SHROOM3: variants seen among roughly 807,000 people sequenced by gnomAD.
SHROOM3 encodes shroom family member 3.
Under a neutral mutation model 138.6 loss-of-function variants are expected in SHROOM3, and 47 were observed. The observed-to-expected ratio is 0.34, with a 90% CI of 0.27 to 0.43. SHROOM3 has a LOEUF of 0.43. Among genes scored for constraint, SHROOM3 ranks in the 20% least tolerant of loss-of-function variants. The pLI is 1.00. For synonymous variants in SHROOM3, 1,062 were observed against 1,063.3 expected (o/e 1.00, Z 0.02); for missense variants, 2,491 against 2,596.5 (o/e 0.96, Z 0.88).
At chr4:76,748,800 A>G (rs1192841370) in intron 5 of SHROOM3, among the ~76,000 whole-genome samples, 1 of 149,072 alleles carries the variant, frequency 6.7e-6, no homozygotes, top group Non-Finnish European at 1.5e-5. Context: ...ACTGAAGTTC[A>G]AATTCTGACT....
At chr4:76,586,369 G>C in intron 2 of SHROOM3, 1 of 985,732 alleles carries the variant, frequency 1.0e-6, no homozygotes, top group Non-Finnish European at 1.2e-6. Context: ...AAGCCACCAA[G>C]CCCCCGCGGT....
In SHROOM3 at chr4:76,554,205, G is replaced by A. The variant is rs571864748; in HGVS notation, c.169-1404G>A. On this transcript the variant is annotated intron_variant, in intron 1 of 10. Transcript: ENST00000296043. Reference sequence around the variant, plus strand: ...CAATGTCATACACTTGAAATTGTGTGGTATGTAGCCTTTTCAGACTGGCTT... The same window carrying A: ...CAATGTCATACACTTGAAATTGTGTAGTATGTAGCCTTTTCAGACTGGCTT... Among the ~76,000 whole-genome samples the A allele has an allele frequency of 1.7e-3, 253 of 152,176 alleles. 2 individuals carry two copies. The highest frequency in any genetic ancestry group is 9.3e-4 in the Non-Finnish European group (63 of 68,006).
chr4:76,699,556 A>G (rs553114684), intron 2 of SHROOM3, among the ~76,000 whole-genome samples: 44 of 152,288 alleles, frequency 2.9e-4, no homozygotes, highest in African/African-American at 8.2e-4. Flanking sequence ...GTTTCCTGCT[A>G]TAATAGGGTA....
intron 1 of SHROOM3, among the ~76,000 whole-genome samples, chr4:76,495,625 C>G (rs1189533425): frequency 1.3e-5 from 2 of 152,222 alleles, no homozygotes; most frequent in Non-Finnish European, 2.9e-5. Flanking sequence ...TAGGAAACCC[C>G]TGATAGCAGA....
intron 2 of SHROOM3, among the ~76,000 whole-genome samples, chr4:76,647,460 G>A (rs1318554219): frequency 6.6e-6 from 1 of 152,144 alleles, no homozygotes; most frequent in East Asian, 1.9e-4. Context: ...CCAGGTGATA[G>A]ATACCGTAAA....
At chr4:76,746,824 A>ATTATT (rs1721453075) in intron 5 of SHROOM3, among the ~76,000 whole-genome samples, 4 of 126,708 alleles carry the variant, frequency 3.2e-5, no homozygotes, top group African/African-American at 1.1e-4. Context: ...TATTATTATT[A>ATTATT]TTATTATTTT....
chr4:76,749,074 G>T lies in SHROOM3; in HGVS notation c.3811G>T (p.Ala1271Ser). The T allele has an allele frequency of 1.2e-6, 2 of 1,613,952 alleles. No homozygotes were observed. The highest frequency in any genetic ancestry group is 1.7e-6 in the Non-Finnish European group (2 of 1,179,924). ...TCTTGTGAAGGATCCATGTTATTTG[G>T]CTGGTCCTGGATCTAGGTATGTACA... ...FGLVKDPCYL[A>S]GPGSRSLSCS... Residue 1271 changes from alanine to serine, a missense_variant, in exon 6 of 11, where the codon GCT (alanine) becomes TCT (serine). Around this residue, in one of 4 missense-constraint regions of SHROOM3, gnomAD observed 1,733 missense variants for 1,661.6 expected, o/e 1.04. Transcript: ENST00000296043.
rs1011549021 is a variant in SHROOM3, at chr4:76,755,323, CTG to C, written c.4709+133_4709+134del. The C allele has an allele frequency of 8.1e-6, 9 of 1,109,210 alleles. No individual in the cohort carries two copies. The African/African-American group carries it at 1.1e-4, about 13-fold the overall frequency. The allele number at this position is 1,109,210 out of a possible 1,614,324, so 68.7% of individuals were successfully genotyped here. On this transcript the variant is annotated intron_variant, in intron 7 of 10. Transcript: ENST00000296043. ...TTTCTATACAGCTCAGCTCAGGACACTGTTGATCTGTTTGCCTCAGGAGGTAG... is the reference window on the plus strand; with the variant it reads ...TTTCTATACAGCTCAGCTCAGGACACTTGATCTGTTTGCCTCAGGAGGTAG...
intron 2 of SHROOM3, among the ~76,000 whole-genome samples, chr4:76,604,120 C>T (rs555469875): frequency 9.9e-5 from 15 of 152,194 alleles, no homozygotes; most frequent in East Asian, 3.9e-4. Flanking sequence ...CCACTGTGCC[C>T]GACTGCATCT....
chr4:76,613,528 C>T (rs1005001536), intron 2 of SHROOM3, among the ~76,000 whole-genome samples: 2 of 152,166 alleles, frequency 1.3e-5, no homozygotes, highest in African/African-American at 4.8e-5. Context: ...ACCTCCTTTG[C>T]TTTGATAAAA....
chr4:76,497,403 A>T (rs1020802924), intron 1 of SHROOM3, among the ~76,000 whole-genome samples: 4 of 152,234 alleles, frequency 2.6e-5, no homozygotes, highest in Non-Finnish European at 5.9e-5. Flanking sequence ...AACAAGAAAA[A>T]AGTAATAATA....
intron 5 of SHROOM3, among the ~76,000 whole-genome samples, chr4:76,747,658 G>T (rs769256954): frequency 2.6e-5 from 4 of 152,058 alleles, no homozygotes; most frequent in Non-Finnish European, 5.9e-5. Flanking sequence ...TTAATTATTG[G>T]CAAAGTAGCA....
intron 1 of SHROOM3, among the ~76,000 whole-genome samples, chr4:76,518,300 T>C (rs1732486403): frequency 6.6e-6 from 1 of 152,184 alleles, no homozygotes; most frequent in South Asian, 2.1e-4. Flanking sequence ...TATTCATTCG[T>C]AGTGTCCTCC....
intron 1 of SHROOM3, among the ~76,000 whole-genome samples, chr4:76,472,425 G>T (rs548576508): frequency 6.6e-6 from 1 of 152,234 alleles, no homozygotes; most frequent in East Asian, 1.9e-4. Context: ...CCACAGTCTT[G>T]TCATGGAGAG....
At chr4:76,469,656 C>T (rs372196744) in intron 1 of SHROOM3, among the ~76,000 whole-genome samples, 25 of 152,256 alleles carry the variant, frequency 1.6e-4, no homozygotes, top group South Asian at 8.3e-4. Flanking sequence ...CGGGTTTCAC[C>T]GGGTTGCCCA....
At chr4:76,595,649 C>T (rs944416923) in intron 2 of SHROOM3, among the ~76,000 whole-genome samples, 1 of 152,182 alleles carries the variant, frequency 6.6e-6, no homozygotes, top group Non-Finnish European at 1.5e-5. Context: ...TCCTTGCCTA[C>T]ACTAGTAACT....
chr4:76,750,933 T>G (rs1347228092), intron 6 of SHROOM3, among the ~76,000 whole-genome samples: 1 of 152,104 alleles, frequency 6.6e-6, no homozygotes, highest in African/African-American at 2.4e-5. Context: ...TTAGCATAGG[T>G]GCAGCTGCAT....
At chr4:76,729,674 C>T (rs931216757) in intron 3 of SHROOM3, among the ~76,000 whole-genome samples, 1 of 152,188 alleles carries the variant, frequency 6.6e-6, no homozygotes, top group African/African-American at 2.4e-5. Flanking sequence ...AAGTAACTCA[C>T]ATAAGGTCAG....
At chr4:76,512,850 C>A (rs957962051) in intron 1 of SHROOM3, among the ~76,000 whole-genome samples, 5 of 152,086 alleles carry the variant, frequency 3.3e-5, no homozygotes, top group Non-Finnish European at 7.4e-5. Flanking sequence ...TAAGGAGGAA[C>A]TAGGGTAGAA....
Sources: allele counts gnomAD v4.1 joint callset (sites outside exome capture counted in the v4.1 genomes callset), GRCh38; gene constraint gnomAD v4.1.1; regional missense constraint gnomAD v4.1.1; transcripts MANE v1.5; gene names NCBI Gene and HGNC (gene_info 2026-07-23, HGNC 2026-07-21).